Variants in EYS observed in about 807,000 individuals in gnomAD.
The protein encoded by EYS is EGF-like photoreceptor maintenance factor.
A neutral mutation model predicts 282.1 loss-of-function variants in EYS; 250 were observed. That is an observed-to-expected ratio of 0.89 (90% CI 0.80 to 0.98). The LOEUF (loss-of-function observed/expected upper bound fraction) is 0.98, where lower values mean the gene tolerates loss of function less well. Among genes scored for constraint, EYS ranks in the 50% least tolerant of loss-of-function variants. EYS has a pLI of 0.00. For synonymous variants in EYS, 1,355 were observed against 1,282.9 expected, an observed-to-expected ratio of 1.06 and a Z score of -1.20; for missense variants, 4,016 against 3,709.0, an observed-to-expected ratio of 1.08 and a Z score of -2.15.
At chr6:65,553,655 A>G (rs548618459) in intron 2 of EYS, among the ~76,000 whole-genome samples, 26 of 152,204 alleles carry the variant, frequency 1.7e-4, no homozygotes, top group African/African-American at 6.3e-4. Context: ...AAAACAAATT[A>G]AAACAAAACA....
chr6:65,252,558 G>A (rs1473593836), intron 12 of EYS, among the ~76,000 whole-genome samples: 1 of 151,846 alleles, frequency 6.6e-6, no homozygotes, highest in Non-Finnish European at 1.5e-5. Context: ...AAAATGCCTA[G>A]GGTATAATCT....
intron 30 of EYS, among the ~76,000 whole-genome samples, chr6:64,264,339 C>T (rs1767686322): frequency 1.3e-5 from 2 of 152,214 alleles, no homozygotes; most frequent in South Asian, 4.1e-4. Context: ...ATCAGGTTTC[C>T]TCTGACAACT....
intron 33 of EYS, among the ~76,000 whole-genome samples, chr6:63,999,773 C>A (rs1166858807): frequency 6.6e-6 from 1 of 151,970 alleles, no homozygotes; most frequent in East Asian, 1.9e-4. Context: ...GAATGAATAG[C>A]AAAAATGGTG....
chr6:63,802,812 A>G (rs952195606), intron 37 of EYS, among the ~76,000 whole-genome samples: 3 of 152,058 alleles, frequency 2.0e-5, no homozygotes, highest in African/African-American at 4.8e-5. Context: ...ATGTGGTGCA[A>G]TGTGCAACTG....
chr6:64,075,319 AC>A (rs953642330), intron 32 of EYS, among the ~76,000 whole-genome samples: 83 of 152,098 alleles, frequency 5.5e-4, no homozygotes, highest in African/African-American at 1.7e-3. Context: ...TCTGGGGAGA[AC>A]TGAAGGATCA....
chr6:64,586,763 A>T (rs1438983137), intron 26 of EYS, among the ~76,000 whole-genome samples: 1 of 152,098 alleles, frequency 6.6e-6, no homozygotes, highest in African/African-American at 2.4e-5. Context: ...GTACATTTTT[A>T]AATTTAGAAG....
At chr6:65,111,820 CT>C (rs1248232632) in intron 12 of EYS, among the ~76,000 whole-genome samples, 1 of 152,186 alleles carries the variant, frequency 6.6e-6, no homozygotes. Flanking sequence ...GCACTCCAGT[CT>C]GGGTGACAAA....
intron 32 of EYS, among the ~76,000 whole-genome samples, chr6:64,071,739 C>G (rs1305207929): frequency 2.0e-5 from 3 of 150,364 alleles, no homozygotes; most frequent in Non-Finnish European, 4.4e-5. Context: ...TATTCTTTAA[C>G]AAAGAAAAAT....
chr6:64,646,529 C>T (rs1768356596), intron 22 of EYS, among the ~76,000 whole-genome samples: 1 of 151,946 alleles, frequency 6.6e-6, no homozygotes, highest in African/African-American at 2.4e-5. Flanking sequence ...ATAGGCAGGG[C>T]GCGGTGACTC....
In EYS at chr6:65,361,546, T is replaced by A. The variant is rs910900369; in HGVS notation, c.1300-7929A>T. On this transcript the variant is annotated intron_variant, in intron 8 of 42. Coordinates refer to ENST00000503581, the MANE Select transcript of EYS (RefSeq NM_001142800.2). ...CCCAGGCTGGAATGCAGTAGTGCTA[T>A]CTCTGCCCACTGCAACAACCTCCAC... 5.9e-5 allele frequency among the ~76,000 whole-genome samples: 9 copies of A among 151,876 alleles called. No individual in the cohort carries two copies. In the South Asian group the frequency reaches 8.4e-4, roughly 14 times the overall value.
At chr6:64,477,494 T>A (rs1776309461) in intron 26 of EYS, among the ~76,000 whole-genome samples, 1 of 152,162 alleles carries the variant, frequency 6.6e-6, no homozygotes, top group Admixed American at 6.6e-5. Context: ...TCATCCTGTC[T>A]GACGTCTGAT....
rs1776578040 is a variant in EYS, at chr6:64,486,283, T to C, written c.5645-46931A>G. On this transcript the variant is annotated intron_variant, in intron 26 of 42. Coordinates refer to ENST00000503581, the MANE Select transcript of EYS (RefSeq NM_001142800.2). The stretch of plus-strand genomic sequence containing the variant: ...AATCAATTCCATAATATTTTAGTTT[T>C]AAAAAATATCCTCTGTGAGAAACAA... Among the ~76,000 whole-genome samples the C allele has an allele frequency of 2.0e-5, 3 of 151,452 alleles. No individual in the cohort carries two copies. The South Asian group carries it at 6.2e-4, about 31-fold the overall frequency.
At chr6:64,808,706 G>T (rs896291467) in intron 22 of EYS, among the ~76,000 whole-genome samples, 1 of 151,588 alleles carries the variant, frequency 6.6e-6, no homozygotes, top group African/African-American at 2.4e-5. Flanking sequence ...ATTTATCCTT[G>T]CCAGAAAACA....
chr6:65,292,227 A>T (rs994315729), intron 12 of EYS, among the ~76,000 whole-genome samples: 1 of 151,750 alleles, frequency 6.6e-6, no homozygotes, highest in African/African-American at 2.4e-5. Context: ...AAGCAATTAC[A>T]TAAGATATAA....
intron 14 of EYS, among the ~76,000 whole-genome samples, chr6:64,964,581 C>T (rs2150107904): frequency 6.6e-6 from 1 of 152,182 alleles, no homozygotes; most frequent in South Asian, 2.1e-4. Context: ...AATTTCCTGT[C>T]ACAGTGGCGG....
At chr6:63,919,302 A>G (rs1415890156) in intron 35 of EYS, among the ~76,000 whole-genome samples, 34 of 121,584 alleles carry the variant, frequency 2.8e-4, no homozygotes, top group African/African-American at 7.4e-4. Context: ...GAAGGGGAAA[A>G]GGGAACAGAC....
intron 26 of EYS, among the ~76,000 whole-genome samples, chr6:64,539,407 T>G (rs1422451536): frequency 1.3e-5 from 2 of 151,574 alleles, no homozygotes; most frequent in East Asian, 3.9e-4. Flanking sequence ...TCTAGAAAAA[T>G]AAAAATAAAA....
intron 12 of EYS, among the ~76,000 whole-genome samples, chr6:65,281,010 T>A (rs1768204180): frequency 8.0e-6 from 1 of 125,006 alleles, no homozygotes; most frequent in Non-Finnish European, 1.6e-5. Flanking sequence ...CACTCCAGCC[T>A]GGGCAACAGA....
intron 34 of EYS, among the ~76,000 whole-genome samples, chr6:63,995,796 G>A (rs1470896758): frequency 1.3e-5 from 2 of 151,968 alleles, no homozygotes; most frequent in Admixed American, 6.6e-5. Context: ...AGGCTGGTCA[G>A]GGATGGGGAT....
Sources: gnomAD v4.1 joint callset for allele counts (sites outside exome capture counted in the v4.1 genomes callset) on GRCh38, gnomAD v4.1.1 for gene constraint, MANE v1.5 for transcripts, NCBI Gene and HGNC (gene_info 2026-07-23, HGNC 2026-07-21) for gene names.